Variants in TMEM71 observed in about 807,000 individuals in gnomAD.
The protein encoded by TMEM71 is transmembrane protein 71.
TMEM71 carries 44 observed loss-of-function variants against 38.0 expected under a neutral mutation model. The ratio of observed to expected loss-of-function variants is 1.16; its 90% CI spans 0.91 to 1.49. The LOEUF (loss-of-function observed/expected upper bound fraction) is 1.49. Ranked by LOEUF, TMEM71 falls within the 40% of genes most tolerant of loss-of-function variation. The pLI, the probability that TMEM71 is intolerant of heterozygous loss-of-function variation, is 0.00. For missense variants in TMEM71, 367 were observed against 348.6 expected (o/e 1.05, Z -0.42); for synonymous variants, 133 against 122.5 (o/e 1.09, Z -0.56).
downstream of TMEM71, among the ~76,000 whole-genome samples, chr8:132,709,731 C>T (rs2130983794): frequency 6.6e-6 from 1 of 152,128 alleles, no homozygotes; most frequent in South Asian, 2.1e-4. Context: ...CCTAAAGCCT[C>T]CAGAGGGAAA....
At chr8:132,733,559 G>C (rs1212926118) in intron 5 of TMEM71, among the ~76,000 whole-genome samples, 1 of 152,172 alleles carries the variant, frequency 6.6e-6, no homozygotes, top group Non-Finnish European at 1.5e-5. Flanking sequence ...AGGCTTCCTT[G>C]CACTGCCTTA....
chr8:132,714,236 T>C, intron 7 of TMEM71, 21 bp from the exon 8 acceptor site: 1 of 1,580,802 alleles, frequency 6.3e-7, no homozygotes, highest in South Asian at 1.1e-5. Flanking sequence ...AAGATTGCTC[T>C]GATTTAGCAT....
chr8:132,718,856 A>G (rs1826683725), intron 7 of TMEM71, among the ~76,000 whole-genome samples: 1 of 152,270 alleles, frequency 6.6e-6, no homozygotes, highest in Admixed American at 6.5e-5. Flanking sequence ...ATTTCAAAAA[A>G]GAATAGTATT....
intron 5 of TMEM71, 87 bp from the exon 6 acceptor site, chr8:132,728,073 T>A: frequency 1.0e-6 from 1 of 997,200 alleles, no homozygotes; most frequent in Non-Finnish European, 1.5e-6. Flanking sequence ...AATGCACAGT[T>A]AGTTCCTAAT....
chr8:132,745,305 A>G (rs1277779005), intron 5 of TMEM71, among the ~76,000 whole-genome samples: 3 of 152,312 alleles, frequency 2.0e-5, no homozygotes, highest in East Asian at 3.9e-4. Flanking sequence ...TGTAGAACCT[A>G]TAAGGAGTTT....
At chr8:132,736,994 C>T (rs768325103) in intron 5 of TMEM71, among the ~76,000 whole-genome samples, 1 of 152,122 alleles carries the variant, frequency 6.6e-6, no homozygotes, top group Non-Finnish European at 1.5e-5. Flanking sequence ...ATCAACAACA[C>T]CTTAATTAAA....
At chr8:132,761,032 T>C (rs1485434327), upstream of TMEM71, among the ~76,000 whole-genome samples, 3 of 152,222 alleles carry the variant, frequency 2.0e-5, no homozygotes, top group African/African-American at 7.2e-5. Context: ...AAAATTTCTA[T>C]AGAGGCAATA....
intron 5 of TMEM71, among the ~76,000 whole-genome samples, chr8:132,733,387 T>C (rs376170859): frequency 6.6e-6 from 1 of 152,126 alleles, no homozygotes; most frequent in East Asian, 1.9e-4. Flanking sequence ...ACAGTAACTA[T>C]AGAGAAAGTG....
intron 7 of TMEM71, among the ~76,000 whole-genome samples, chr8:132,719,503 T>A (rs13266538): frequency 0.16 from 24,181 of 152,140 alleles, 2,461 homozygotes; most frequent in East Asian, 0.38. Flanking sequence ...ATATGCAAAT[T>A]TTCCCAAATG....
At chr8:132,752,942 T>C (rs2131186225) in intron 3 of TMEM71, among the ~76,000 whole-genome samples, 1 of 152,124 alleles carries the variant, frequency 6.6e-6, no homozygotes, top group South Asian at 2.1e-4. Flanking sequence ...AAATGTTTCA[T>C]AAATGCAAAG....
At chr8:132,714,806 T>G (rs541401605) in intron 7 of TMEM71, among the ~76,000 whole-genome samples, 1 of 152,188 alleles carries the variant, frequency 6.6e-6, no homozygotes, top group Non-Finnish European at 1.5e-5. Context: ...ATTTGCAAAT[T>G]ATGTATCTAA....
At chr8:132,714,384 T>A (rs539779393) in intron 7 of TMEM71, among the ~76,000 whole-genome samples, 169 bp from the exon 8 acceptor site, 1 of 152,148 alleles carries the variant, frequency 6.6e-6, no homozygotes, top group African/African-American at 2.4e-5. Context: ...TGAAAGAGAG[T>A]AGACAGCCCA....
chr8:132,765,916 G>A, the TMEM71 span, among the ~76,000 whole-genome samples: 1 of 152,002 alleles, frequency 6.6e-6, no homozygotes, highest in East Asian at 1.9e-4. Context: ...AGCCTCCTGA[G>A]TAGCTGGGAT....
chr8:132,719,919 T>C (rs1285213737), intron 7 of TMEM71, among the ~76,000 whole-genome samples: 2 of 152,208 alleles, frequency 1.3e-5, no homozygotes. Flanking sequence ...CACATATGTT[T>C]AGTCATTGCG....
At chr8:132,738,581 C>T (rs1329402063) in intron 5 of TMEM71, among the ~76,000 whole-genome samples, 1 of 152,194 alleles carries the variant, frequency 6.6e-6, no homozygotes, top group African/African-American at 2.4e-5. Flanking sequence ...ATTGCATCAT[C>T]ACCCTGCTTA....
At chr8:132,713,619 C>G (rs1480299255) in intron 9 of TMEM71, among the ~76,000 whole-genome samples, 1 of 152,202 alleles carries the variant, frequency 6.6e-6, no homozygotes, top group African/African-American at 2.4e-5. Flanking sequence ...GCACAGAAAT[C>G]ACAGTTTGTA....
upstream of TMEM71, among the ~76,000 whole-genome samples, chr8:132,761,227 T>C (rs1356381853): frequency 6.6e-6 from 1 of 152,196 alleles, no homozygotes; most frequent in Non-Finnish European, 1.5e-5. Context: ...CACTGCATAG[T>C]GGAAAGAGTG....
At chr8:132,709,228 T>C (rs1202831477), downstream of TMEM71, among the ~76,000 whole-genome samples, 1 of 152,216 alleles carries the variant, frequency 6.6e-6, no homozygotes, top group African/African-American at 2.4e-5. Flanking sequence ...AGGCTCCATA[T>C]GCATTTAGTT....
chr8:132,758,789 G>A (rs1283479395), intron 2 of TMEM71, 51 bp downstream of exon 2: 31 of 1,511,968 alleles, frequency 2.1e-5, no homozygotes, highest in Non-Finnish European at 2.8e-5. Context: ...TTGCTAAAAG[G>A]AGTCTAATCG....
Sources: allele counts gnomAD v4.1 joint callset (sites outside exome capture counted in the v4.1 genomes callset), GRCh38; gene constraint gnomAD v4.1.1; transcripts MANE v1.5; gene names NCBI Gene and HGNC (gene_info 2026-07-23, HGNC 2026-07-21).